The following ZBTB46 variants were observed in gnomAD, a reference collection of about 807,000 sequenced individuals.
ZBTB46 encodes the protein zinc finger and BTB domain-containing protein 46.
In ZBTB46, 8 loss-of-function variants were observed where a neutral mutation model predicts 44.1. The ratio of observed to expected loss-of-function variants is 0.18; its 90% confidence interval spans 0.11 to 0.33. The LOEUF is 0.33. Ranked by LOEUF, ZBTB46 falls within the 10% of genes least tolerant of loss-of-function variation. The probability of loss-of-function intolerance (pLI) is 1.00; values close to 1 mark genes in which losing one functional copy is unlikely to be tolerated. For missense variants in ZBTB46, 651 were observed against 847.7 expected (o/e 0.77, Z 2.88); for synonymous variants, 409 against 382.3 (o/e 1.07, Z -0.81).
chr20:63,764,309 G>A (rs902828771), intron 3 of ZBTB46, among the ~76,000 whole-genome samples: 26 of 152,056 alleles, frequency 1.7e-4, no homozygotes, highest in African/African-American at 5.6e-4. Context: ...GGTGGCTCAC[G>A]CCTGTAATCC....
intron 1 of ZBTB46, among the ~76,000 whole-genome samples, chr20:63,822,664 C>T (rs530240222): frequency 9.9e-5 from 15 of 152,090 alleles, no homozygotes; most frequent in Non-Finnish European, 2.2e-4. Context: ...GCACAGGACA[C>T]GGCCAACCCG....
intron 2 of ZBTB46, 30 bp downstream of exon 2, chr20:63,789,790 GC>G: frequency 6.3e-7 from 1 of 1,578,318 alleles, no homozygotes. Context: ...CACTGGGGCA[GC>G]TGAGCCCCCG....
rs756424419 is a variant in ZBTB46, at chr20:63,747,053, G to A, written c.1647C>T (p.Gly549=). The change falls in exon 5 of 5, where the codon GGC becomes GGT. Residue 549 remains glycine, a synonymous_variant. Transcript: ENST00000245663. ...EDPRGEAEEL[G]EDDEGLAPED... ...CAGGGGCCAGGCCCTCGTCGTCCTCGCCCAGCTCCTCCGCCTCCCCTCGTG... is the reference window on the plus strand; with the variant it reads ...CAGGGGCCAGGCCCTCGTCGTCCTCACCCAGCTCCTCCGCCTCCCCTCGTG... 1.4e-5 allele frequency: 22 copies of A among 1,608,414 alleles called. No homozygotes were observed. The South Asian group carries it at 1.5e-4, about 11-fold the overall frequency.
At chr20:63,830,952 C>CGCGGGGCGGG (rs1364541444) in intron 1 of ZBTB46, 145 bp downstream of exon 1, 2 of 140,720 alleles carry the variant, frequency 1.4e-5, no homozygotes, top group Non-Finnish European at 3.1e-5. Context: ...AGGGCGCCCC[C>CGCGGGGCGGG]GCGGGGCGGG....
intron 1 of ZBTB46, among the ~76,000 whole-genome samples, chr20:63,806,869 G>A (rs1214138849): frequency 1.3e-5 from 2 of 150,658 alleles, no homozygotes; most frequent in Admixed American, 6.6e-5. Context: ...TGCAAGCTCC[G>A]CCTCCCAGGT....
At chr20:63,799,077 C>G (rs1182693246) in intron 1 of ZBTB46, among the ~76,000 whole-genome samples, 1 of 151,836 alleles carries the variant, frequency 6.6e-6, no homozygotes, top group Non-Finnish European at 1.5e-5. Flanking sequence ...GTCACCCAGG[C>G]TGGAGTGCAG....
intron 4 of ZBTB46, among the ~76,000 whole-genome samples, chr20:63,750,205 G>C (rs1047165132): frequency 3.3e-5 from 5 of 152,174 alleles, no homozygotes; most frequent in Non-Finnish European, 7.3e-5. Flanking sequence ...GCCACACACA[G>C]AGCCTCTCCT....
intron 2 of ZBTB46, chr20:63,788,339 A>G (rs1208473492): frequency 2.0e-5 from 3 of 152,194 alleles, no homozygotes; most frequent in East Asian, 1.9e-4. Flanking sequence ...CCAAATCCCC[A>G]CAATTATTAT....
At chr20:63,807,813 G>A (rs867937892) in intron 1 of ZBTB46, among the ~76,000 whole-genome samples, 1 of 152,264 alleles carries the variant, frequency 6.6e-6, no homozygotes. Flanking sequence ...CTCAGGGCTC[G>A]CTCCCCCTCC....
At chr20:63,779,835 C>T (rs962447005) in intron 2 of ZBTB46, among the ~76,000 whole-genome samples, 32 of 151,898 alleles carry the variant, frequency 2.1e-4, no homozygotes, top group Non-Finnish European at 3.7e-4. Context: ...GCTGGGATTA[C>T]AAGCATGAGC....
chr20:63,756,277 A>G (rs1299737717), intron 3 of ZBTB46, among the ~76,000 whole-genome samples: 1 of 152,250 alleles, frequency 6.6e-6, no homozygotes, highest in Non-Finnish European at 1.5e-5. Flanking sequence ...CAAAGACTGC[A>G]AGAAACCAGC....
chr20:63,758,073 G>GC (rs1470711669), intron 3 of ZBTB46, among the ~76,000 whole-genome samples: 936 of 7,848 alleles, frequency 0.12, 10 homozygotes, highest in Middle Eastern at 0.25. Flanking sequence ...CCCTCCACCC[G>GC]CCCATCCAGA....
rs1048527944 is a variant in ZBTB46, at chr20:63,787,728, A to G, written c.937+2093T>C. On this transcript the variant is annotated intron_variant, in intron 2 of 4. Transcript: ENST00000245663. This position sits in a 1 kb window ranked among gnomAD's most constrained non-coding sequence, Gnocchi z 4.6. ...CTGTCATCAAGCAACGCGTGACTTTAATGCCAGTGAAATGTACATTTGAAA... is the reference window on the plus strand; with the variant it reads ...CTGTCATCAAGCAACGCGTGACTTTGATGCCAGTGAAATGTACATTTGAAA... The G allele has an allele frequency of 1.3e-5, 2 of 152,246 alleles. No individual in the cohort carries two copies. Among genetic ancestry groups the G allele is most frequent in the African/African-American group, 4.8e-5 (2 of 41,450 alleles). 9.4% of individuals were successfully genotyped at this position (152,246 alleles called of 1,614,324 possible). A position where few individuals can be genotyped will look rare whatever the true frequency, so the allele number is the denominator to read the frequency against.
chr20:63,832,839 G>T (rs189991973), upstream of ZBTB46, among the ~76,000 whole-genome samples: 403 of 152,248 alleles, frequency 2.6e-3, 4 homozygotes, highest in African/African-American at 9.4e-3. The surrounding 1 kb of genome is among the most constrained non-coding windows in gnomAD (Gnocchi z 5.0). Flanking sequence ...CGGCTTCCAG[G>T]AGGGTCTGGC....
chr20:63,758,551 A>G (rs1008887558), intron 3 of ZBTB46, among the ~76,000 whole-genome samples: 1 of 151,724 alleles, frequency 6.6e-6, no homozygotes. Flanking sequence ...GTGTCCTACG[A>G]CACCAGATTA....
At chr20:63,779,715 C>A (rs1005292445) in intron 2 of ZBTB46, among the ~76,000 whole-genome samples, 5 of 151,592 alleles carry the variant, frequency 3.3e-5, no homozygotes, top group African/African-American at 4.8e-5. Context: ...AGCCACCGCG[C>A]CCGGCCGCTA....
chr20:63,771,556 G>A (rs1358082396), intron 3 of ZBTB46, among the ~76,000 whole-genome samples: 3 of 152,192 alleles, frequency 2.0e-5, no homozygotes, highest in African/African-American at 7.2e-5. Context: ...CCGGCGAGTG[G>A]GGCTACGCCG....
At chr20:63,833,094 C>T (rs778480092), upstream of ZBTB46, among the ~76,000 whole-genome samples, 2 of 152,214 alleles carry the variant, frequency 1.3e-5, no homozygotes, top group Non-Finnish European at 2.9e-5. Flanking sequence ...CTGGACCTCC[C>T]TAGACAGCCT....
chr20:63,776,803 C>A (rs78166682), intron 2 of ZBTB46, among the ~76,000 whole-genome samples: 715 of 131,260 alleles, frequency 5.4e-3, no homozygotes, highest in Non-Finnish European at 5.4e-3. Context: ...CGCTCTGTCT[C>A]AAAAAAAAAA....
Sources: gnomAD v4.1 joint callset for allele counts (sites outside exome capture counted in the v4.1 genomes callset) on GRCh38, gnomAD v4.1.1 for gene constraint, Gnocchi (gnomAD v3.1) non-coding constraint, MANE v1.5 for transcripts, NCBI Gene and HGNC (gene_info 2026-07-23, HGNC 2026-07-21) for gene names.